The following GLCE variants were observed in gnomAD, a reference collection of about 807,000 sequenced individuals.
GLCE encodes the protein D-glucuronyl C5-epimerase.
GLCE carries 19 observed loss-of-function variants against 47.9 expected under a neutral mutation model. The ratio of observed to expected loss-of-function variants is 0.40; its 90% CI spans 0.28 to 0.58. The LOEUF (loss-of-function observed/expected upper bound fraction) is 0.58. Ranked by LOEUF, GLCE falls within the 20% of genes least tolerant of loss-of-function variation. The pLI, the probability that GLCE is intolerant of heterozygous loss-of-function variation, is 0.48. For synonymous variants in GLCE, 245 were observed against 263.4 expected, an observed-to-expected ratio of 0.93 and a Z score of 0.68; for missense variants, 556 against 743.3, an observed-to-expected ratio of 0.75 and a Z score of 2.93.
intron 1 of GLCE, among the ~76,000 whole-genome samples, chr15:69,195,310 A>T (rs1307444947): frequency 4.0e-5 from 6 of 151,092 alleles, no homozygotes; most frequent in East Asian, 1.9e-4. Context: ...TCTCAGCTAA[A>T]TTTTTTTTTT....
At chr15:69,243,330 T>A (rs1296542352) in intron 2 of GLCE, among the ~76,000 whole-genome samples, 1 of 152,198 alleles carries the variant, frequency 6.6e-6, no homozygotes, top group Non-Finnish European at 1.5e-5. Context: ...TGCATTTTTA[T>A]TTATACATTA....
intron 2 of GLCE, among the ~76,000 whole-genome samples, chr15:69,251,733 G>A (rs571029129): frequency 5.9e-5 from 9 of 152,022 alleles, no homozygotes; most frequent in Non-Finnish European, 8.8e-5. Flanking sequence ...TTGCAGATTC[G>A]TGGATTTTTA....
At position 69,215,539 on chromosome 15, in the gene GLCE, G is replaced by GGT. The variant is rs57115250; in HGVS notation, c.-14+5156_-14+5157dup. ...ATAAAGCTACTACATTTACATAAAG[G>GGT]GTGTGTGTGTGTGTGTGTGTGTGTC... On this transcript the variant is annotated intron_variant, in intron 2 of 4. Coordinates refer to ENST00000261858, the MANE Select transcript of GLCE (RefSeq NM_015554.3). 6.8e-3 allele frequency among the ~76,000 whole-genome samples: 1,014 copies of GGT among 148,536 alleles called. 7 individuals are homozygous for GGT. The highest frequency in any genetic ancestry group is 0.02 in the East Asian group (101 of 5,040).
intron 1 of GLCE, among the ~76,000 whole-genome samples, chr15:69,207,811 A>G (rs1209709799): frequency 6.6e-6 from 1 of 152,182 alleles, no homozygotes; most frequent in Non-Finnish European, 1.5e-5. Context: ...TAGCTCTGTT[A>G]GAAACTGCCA....
At chr15:69,205,344 C>T (rs1270226875) in intron 1 of GLCE, among the ~76,000 whole-genome samples, 1 of 152,012 alleles carries the variant, frequency 6.6e-6, no homozygotes, top group Non-Finnish European at 1.5e-5. Context: ...CTTTTTATTA[C>T]TGAGTAGTAT....
At chr15:69,209,989 C>T (rs2052208273) in intron 1 of GLCE, among the ~76,000 whole-genome samples, 1 of 152,178 alleles carries the variant, frequency 6.6e-6, no homozygotes, top group Non-Finnish European at 1.5e-5. Flanking sequence ...GGGATTTGCA[C>T]ACTTCCTTGT....
At chr15:69,209,347 A>G (rs181838520) in intron 1 of GLCE, among the ~76,000 whole-genome samples, 244 of 152,120 alleles carry the variant, frequency 1.6e-3, no homozygotes, top group African/African-American at 5.6e-3. Flanking sequence ...ACATTTGACT[A>G]TTATGTTAGG....
chr15:69,245,216 C>T (rs1246601179), intron 2 of GLCE, among the ~76,000 whole-genome samples: 6 of 151,578 alleles, frequency 4.0e-5, no homozygotes, highest in Admixed American at 6.6e-5. Context: ...GCCTGTAATC[C>T]CAGCTACTCA....
rs761481344 is a variant in GLCE at position 69,268,299 on chromosome 15, T to C, written c.909T>C (p.Asn303=). ...CATTTGACCTCAAGTTCTTGACAAA[T>C]GGAAGTGTGTCCGTGGTTCTAGAGA... ...IISFDLKFLT[N]GSVSVVLETT... The change falls in exon 5 of 5, where the codon AAT becomes AAC. Residue 303 remains asparagine, a synonymous_variant. Coordinates refer to ENST00000261858, the MANE Select transcript of GLCE (RefSeq NM_015554.3). The C allele has an allele frequency of 5.6e-6, 9 of 1,612,450 alleles. No homozygotes were observed. Among genetic ancestry groups the C allele is most frequent in the Non-Finnish European group, 2.5e-6 (3 of 1,178,812 alleles).
chr15:69,200,721 G>A (rs1203022439), intron 1 of GLCE, among the ~76,000 whole-genome samples: 1 of 152,054 alleles, frequency 6.6e-6, no homozygotes, highest in Non-Finnish European at 1.5e-5. Flanking sequence ...GCGATAAGGG[G>A]CATATTAGTT....
chr15:69,205,817 A>G (rs1223385359), intron 1 of GLCE, among the ~76,000 whole-genome samples: 1 of 152,154 alleles, frequency 6.6e-6, no homozygotes, highest in African/African-American at 2.4e-5. Flanking sequence ...TCCTTTGACC[A>G]TTAAAAACAA....
chr15:69,187,495 T>G (rs886651975), intron 1 of GLCE, among the ~76,000 whole-genome samples: 1 of 152,122 alleles, frequency 6.6e-6, no homozygotes, highest in Non-Finnish European at 1.5e-5. Context: ...GTAAACAAAA[T>G]TACTATAATG....
intron 1 of GLCE, among the ~76,000 whole-genome samples, chr15:69,184,684 CA>C (rs1222466704): frequency 6.6e-6 from 1 of 152,188 alleles, no homozygotes; most frequent in Non-Finnish European, 1.5e-5. Flanking sequence ...AGAGGAAAGG[CA>C]GTCTTTAGGA....
At position 69,268,696 on chromosome 15, in the gene GLCE, T is replaced by A; in HGVS notation, c.1306T>A (p.Ser436Thr). The part of the protein sequence containing the change: ...VTRKLGEGFK[S>T]LEPGWYSAMA... ...CCGTAAGTTAGGGGAAGGGTTCAAGTCTTTAGAGCCAGGATGGTATTCTGC... is the reference window on the plus strand; with the variant it reads ...CCGTAAGTTAGGGGAAGGGTTCAAGACTTTAGAGCCAGGATGGTATTCTGC... The change falls in exon 5 of 5, where the codon TCT (serine) becomes ACT (threonine). Residue 436 changes from serine to threonine, a missense_variant. Ser to Thr is a moderately conservative substitution (Grantham distance 58, BLOSUM62 1). Coordinates refer to ENST00000261858, the MANE Select transcript of GLCE (RefSeq NM_015554.3). 1 of 1,614,182 alleles carries A rather than the reference T, an allele frequency of 6.2e-7. No homozygotes were observed. Among genetic ancestry groups the A allele is most frequent in the Non-Finnish European group, 8.5e-7 (1 of 1,180,022 alleles).
intron 1 of GLCE, among the ~76,000 whole-genome samples, chr15:69,165,436 T>G (rs1039286421): frequency 5.3e-5 from 8 of 152,100 alleles, no homozygotes; most frequent in South Asian, 4.1e-4. Context: ...CTATTTAGGA[T>G]GTCTTTCCTT....
intron 1 of GLCE, among the ~76,000 whole-genome samples, chr15:69,198,975 G>C (rs2052036875): frequency 6.6e-6 from 1 of 152,096 alleles, no homozygotes; most frequent in Admixed American, 6.6e-5. Flanking sequence ...CCGCCACCCG[G>C]TCCCCAAACT....
At chr15:69,229,877 T>C (rs1406353164) in intron 2 of GLCE, among the ~76,000 whole-genome samples, 3 of 152,144 alleles carry the variant, frequency 2.0e-5, no homozygotes, top group Non-Finnish European at 4.4e-5. Flanking sequence ...ACATATTGTC[T>C]ACAAAAACTC....
intron 1 of GLCE, among the ~76,000 whole-genome samples, chr15:69,191,889 T>C (rs1325557664): frequency 3.3e-5 from 5 of 152,162 alleles, no homozygotes; most frequent in African/African-American, 1.2e-4. Context: ...TTTCTGTACT[T>C]TGTAGATTTT....
At chr15:69,246,569 A>G (rs1013712193) in intron 2 of GLCE, among the ~76,000 whole-genome samples, 1 of 152,112 alleles carries the variant, frequency 6.6e-6, no homozygotes, top group African/African-American at 2.4e-5. Flanking sequence ...TATAAAAATT[A>G]GCCAGCCATG....
Sources: gnomAD v4.1 joint callset for allele counts (sites outside exome capture counted in the v4.1 genomes callset) on GRCh38, gnomAD v4.1.1 for gene constraint, MANE v1.5 for transcripts, NCBI Gene and HGNC (gene_info 2026-07-23, HGNC 2026-07-21) for gene names.